The following MORC1 variants were observed in gnomAD, a reference collection of about 807,000 sequenced individuals.
The protein encoded by MORC1 is MORC family CW-type zinc finger 1, also known as MORC family CW-type zinc finger protein 1.
Under a neutral mutation model 134.9 loss-of-function variants are expected in MORC1, and 59 were observed. The ratio of observed to expected loss-of-function variants is 0.44; its 90% CI spans 0.35 to 0.54. The LOEUF (loss-of-function observed/expected upper bound fraction) is 0.54. Among genes scored for constraint, MORC1 ranks in the 20% least tolerant of loss-of-function variants. The pLI, the probability that MORC1 is intolerant of heterozygous loss-of-function variation, is 0.00. For missense variants in MORC1, 947 were observed against 1,134.5 expected (o/e 0.83, Z 2.37); for synonymous variants, 395 against 391.7 (o/e 1.01, Z -0.10).
chr3:108,966,433 A>C (rs1209989996), intron 26 of MORC1, among the ~76,000 whole-genome samples: 1 of 152,144 alleles, frequency 6.6e-6, no homozygotes, highest in African/African-American at 2.4e-5. Context: ...GCAGTCACTA[A>C]AGCAGAAACA....
intron 26 of MORC1, among the ~76,000 whole-genome samples, chr3:108,969,302 C>A (rs934735811): frequency 2.6e-5 from 4 of 152,042 alleles, no homozygotes; most frequent in African/African-American, 9.7e-5. Flanking sequence ...TGATAAGGTA[C>A]TTAAAAAACT....
chr3:109,085,264 T>C (rs1168756794), intron 8 of MORC1, among the ~76,000 whole-genome samples: 2 of 151,934 alleles, frequency 1.3e-5, no homozygotes, highest in Non-Finnish European at 2.9e-5. Flanking sequence ...CAAATGGCAT[T>C]ACATCAAGCT....
chr3:109,049,022 T>C (rs1237181207), intron 14 of MORC1: 1 of 441,528 alleles, frequency 2.3e-6, no homozygotes, highest in Non-Finnish European at 3.0e-6. Flanking sequence ...ATACATAAAA[T>C]CTTTAACTTC....
chr3:109,060,607 G>A (rs555160794), intron 11 of MORC1, among the ~76,000 whole-genome samples: 1 of 152,214 alleles, frequency 6.6e-6, no homozygotes, highest in African/African-American at 2.4e-5. Context: ...TGAATTTCAA[G>A]TAAAAGAAAG....
intron 16 of MORC1, among the ~76,000 whole-genome samples, chr3:109,028,392 G>T (rs565520873): frequency 6.6e-6 from 1 of 152,256 alleles, no homozygotes; most frequent in African/African-American, 2.4e-5. Context: ...AATAGCCTTG[G>T]GAGGTAATGA....
chr3:109,067,784 G>C (rs1387374811), intron 9 of MORC1, among the ~76,000 whole-genome samples: 1 of 152,154 alleles, frequency 6.6e-6, no homozygotes, highest in Non-Finnish European at 1.5e-5. Context: ...TATAATTAGA[G>C]ATCAAAAGTA....
chr3:109,017,043 T>C (rs1329626025), intron 17 of MORC1, among the ~76,000 whole-genome samples: 1 of 152,176 alleles, frequency 6.6e-6, no homozygotes, highest in East Asian at 1.9e-4. Context: ...GTTTCTTTGC[T>C]CCTTTAGTAC....
At chr3:109,021,392 T>C (rs554462275) in intron 17 of MORC1, among the ~76,000 whole-genome samples, 1 of 152,342 alleles carries the variant, frequency 6.6e-6, no homozygotes, top group African/African-American at 2.4e-5. Flanking sequence ...TCTCTGCTGA[T>C]GTGAACAGGA....
At chr3:108,993,126 C>CTGTA (rs1201407338) in intron 21 of MORC1, among the ~76,000 whole-genome samples, 1 of 152,164 alleles carries the variant, frequency 6.6e-6, no homozygotes, top group Non-Finnish European at 1.5e-5. Flanking sequence ...AGTGTACAGC[C>CTGTA]TGTATCCTTT....
In MORC1 at chr3:109,061,934, A is replaced by C. The variant is rs1950093565; in HGVS notation, c.966+54T>G. The C allele has an allele frequency of 2.0e-6, 3 of 1,504,758 alleles. No homozygotes were observed. The East Asian group carries it at 6.8e-5, about 34-fold the overall frequency. 93.2% of individuals were successfully genotyped at this position (1,504,758 alleles called of 1,614,324 possible). A position where few individuals can be genotyped will look rare whatever the true frequency, so the allele number is the denominator to read the frequency against. On this transcript the variant is annotated intron_variant, in intron 11 of 27. Transcript: ENST00000232603. Reference sequence around the variant, plus strand: ...ATAAGAGACAACTATGCACAGGAAAAAGCAAATGACACAATTTGCCATTTA... The same window carrying C: ...ATAAGAGACAACTATGCACAGGAAACAGCAAATGACACAATTTGCCATTTA...
At chr3:109,034,719 C>T (rs371562216) in intron 15 of MORC1, among the ~76,000 whole-genome samples, 15 of 151,248 alleles carry the variant, frequency 9.9e-5, no homozygotes, top group African/African-American at 3.6e-4. Context: ...CTCTACTCTT[C>T]ATCTCTGCCT....
chr3:109,032,163 G>C (rs144108186), intron 16 of MORC1, among the ~76,000 whole-genome samples: 3,231 of 152,236 alleles, frequency 0.021, 66 homozygotes, highest in Non-Finnish European at 0.037. Flanking sequence ...GCTTGACTTA[G>C]GGGTGCTTTT....
chr3:108,994,465 C>A (rs902445626), intron 21 of MORC1, among the ~76,000 whole-genome samples: 1 of 152,018 alleles, frequency 6.6e-6, no homozygotes, highest in East Asian at 1.9e-4. Flanking sequence ...TATAACCACA[C>A]CATACAGATT....
intron 17 of MORC1, among the ~76,000 whole-genome samples, chr3:109,020,072 T>C (rs962790002): frequency 1.3e-5 from 2 of 152,246 alleles, no homozygotes; most frequent in African/African-American, 2.4e-5. Flanking sequence ...TCCATGGCGC[T>C]GTCCTAACTT....
intron 3 of MORC1, among the ~76,000 whole-genome samples, chr3:109,107,675 G>C (rs1951068356): frequency 6.6e-6 from 1 of 152,164 alleles, no homozygotes; most frequent in Non-Finnish European, 1.5e-5. Context: ...TCCAATCTTA[G>C]ATTAACTTTG....
Position 108,986,892 on chromosome 3 carries a change from G to C in MORC1, c.2245C>G (p.Leu749Val), listed in dbSNP as rs550984805. The stretch of plus-strand genomic sequence containing the variant: ...GATTTTTTTTTACCTTGGTTTAAAA[G>C]AGGAATTTCCTTTTTTTCTTGTTTC... Reference protein sequence around the residue: ...SLKQEKKEIPLLNQEKQELCN... With the variant: ...SLKQEKKEIPVLNQEKQELCN... Residue 749 changes from leucine to valine, a missense_variant, in exon 22 of 28, where the codon CTT becomes GTT. Coordinates refer to ENST00000232603, the MANE Select transcript of MORC1 (RefSeq NM_014429.4). 2.6e-4 allele frequency: 413 copies of C among 1,562,236 alleles called. 1 individual carries two copies. In the Admixed American group the frequency reaches 7.3e-3, roughly 27 times the overall value.
intron 23 of MORC1, among the ~76,000 whole-genome samples, chr3:108,982,726 T>A (rs1351262158): frequency 9.1e-4 from 107 of 117,776 alleles, no homozygotes; most frequent in African/African-American, 1.2e-3. Flanking sequence ...ACTTAAAGTA[T>A]AAAAAAAAAA....
chr3:109,006,060 G>C (rs186275402), intron 18 of MORC1, among the ~76,000 whole-genome samples: 1 of 152,138 alleles, frequency 6.6e-6, no homozygotes, highest in South Asian at 2.1e-4. Flanking sequence ...GAGGACTTAC[G>C]ATGACATGTT....
At chr3:108,978,766 C>G (rs1017115965) in intron 24 of MORC1, among the ~76,000 whole-genome samples, 1 of 152,142 alleles carries the variant, frequency 6.6e-6, no homozygotes, top group Non-Finnish European at 1.5e-5. Flanking sequence ...AAATACCATT[C>G]CAGGTAGGGC....
Sources: allele counts gnomAD v4.1 joint callset (sites outside exome capture counted in the v4.1 genomes callset), GRCh38; gene constraint gnomAD v4.1.1; transcripts MANE v1.5; gene names NCBI Gene and HGNC (gene_info 2026-07-23, HGNC 2026-07-21).